Variants in RBM20 observed in about 807,000 individuals in gnomAD.
The protein encoded by RBM20 is RNA binding motif protein 20.
A neutral mutation model predicts 110.1 loss-of-function variants in RBM20; 51 were observed. The observed-to-expected ratio is 0.46, with a 90% CI of 0.37 to 0.59. The LOEUF (loss-of-function observed/expected upper bound fraction) is 0.59. Among genes scored for constraint, RBM20 ranks in the 20% least tolerant of loss-of-function variants. The probability of loss-of-function intolerance (pLI) is 0.00; values close to 1 mark genes in which losing one functional copy is unlikely to be tolerated. For missense variants in RBM20, 1,512 were observed against 1,574.9 expected (o/e 0.96, Z 0.68); for synonymous variants, 589 against 618.2 (o/e 0.95, Z 0.70).
chr10:110,780,248 C>T (rs1255249742), intron 1 of RBM20, among the ~76,000 whole-genome samples: 1 of 152,152 alleles, frequency 6.6e-6, no homozygotes, highest in East Asian at 1.9e-4. Flanking sequence ...TTCCTCAGTT[C>T]AAATCCCATC....
In RBM20 at chr10:110,812,532, A is replaced by T; in HGVS notation, c.2135A>T (p.Lys712Ile). The T allele has an allele frequency of 1.3e-6, 2 of 1,551,682 alleles. No homozygotes were observed. The highest frequency in any genetic ancestry group is 1.7e-6 in the Non-Finnish European group (2 of 1,146,972). The part of the protein sequence containing the change: ...DRMDPWAHDR[K>I]HHPRQLDKAE... The stretch of plus-strand genomic sequence containing the variant: ...ATGGACCCCTGGGCACATGATCGCA[A>T]ACACCACCCCCGGCAACTGGACAAG... Residue 712 changes from lysine (K) to isoleucine (I), a missense_variant, in exon 9 of 14, where the codon AAA becomes ATA. Coordinates refer to ENST00000369519, the MANE Select transcript of RBM20 (RefSeq NM_001134363.3).
At chr10:110,786,688 G>A (rs940388183) in intron 5 of RBM20, among the ~76,000 whole-genome samples, 8 of 152,374 alleles carry the variant, frequency 5.3e-5, no homozygotes, top group African/African-American at 1.9e-4. Context: ...GTCCTCTGAG[G>A]TCAGATTCCT....
chr10:110,770,526 C>T (rs769684547), intron 1 of RBM20, among the ~76,000 whole-genome samples: 10 of 152,132 alleles, frequency 6.6e-5, no homozygotes, highest in Non-Finnish European at 5.9e-5. Context: ...TACTTAAAAC[C>T]GACACAGTCT....
At chr10:110,774,241 G>A (rs1234679328) in intron 1 of RBM20, among the ~76,000 whole-genome samples, 1 of 152,078 alleles carries the variant, frequency 6.6e-6, no homozygotes, top group Admixed American at 6.6e-5. Flanking sequence ...CACACCAACT[G>A]AAAAACACAA....
In RBM20 at chr10:110,784,783, A is replaced by G; in HGVS notation, c.1430-9A>G. 6.6e-7 allele frequency: 1 copy of G among 1,522,772 alleles called. No individual in the cohort carries two copies. Among genetic ancestry groups the G allele is most frequent in the African/African-American group, 1.4e-5 (1 of 72,536 alleles). The allele number at this position is 1,522,772 out of a possible 1,614,324, so 94.3% of individuals were successfully genotyped here. The stretch of plus-strand genomic sequence containing the variant: ...GGTTTTCACTGACTTTGTGTAATTC[A>G]TCATTTAGATTATGCCTCAAATCTT... On this transcript the variant is annotated splice_polypyrimidine_tract_variant and intron_variant, in intron 4 of 13. Coordinates refer to ENST00000369519, the MANE Select transcript of RBM20 (RefSeq NM_001134363.3).
In RBM20 at chr10:110,807,490, G is replaced by A. The variant is rs76138361; in HGVS notation, c.1801-2893G>A. Reference sequence around the variant, plus strand: ...TGCCCCTCACTGGGGGCACCCCTGAGGGGAAGGGCCTGGGGGTGCCATCTG... The same window carrying A: ...TGCCCCTCACTGGGGGCACCCCTGAAGGGAAGGGCCTGGGGGTGCCATCTG... On this transcript the variant is annotated intron_variant, in intron 7 of 13. Transcript: ENST00000369519. Among the ~76,000 whole-genome samples the A allele has an allele frequency of 1.4e-3, 220 of 152,318 alleles. 4 individuals carry two copies. In the East Asian group the frequency reaches 0.036, roughly 25 times the overall value.
At chr10:110,727,732 C>T (rs1177443773) in intron 1 of RBM20, among the ~76,000 whole-genome samples, 1 of 152,166 alleles carries the variant, frequency 6.6e-6, no homozygotes, top group East Asian at 1.9e-4. Context: ...TTGCTGCACT[C>T]ATTAGCCCAT....
chr10:110,808,509 T>A (rs542760358), intron 7 of RBM20, among the ~76,000 whole-genome samples: 15 of 152,316 alleles, frequency 9.8e-5, no homozygotes, highest in African/African-American at 3.6e-4. Context: ...CTTGTGGACA[T>A]CCTGCCCAGT....
chr10:110,740,365 A>G (rs1018554139), intron 1 of RBM20, among the ~76,000 whole-genome samples: 2 of 152,200 alleles, frequency 1.3e-5, no homozygotes, highest in African/African-American at 4.8e-5. Flanking sequence ...TGAATCAGCC[A>G]AACCTTAATG....
At chr10:110,679,370 C>A (rs1263329260) in intron 1 of RBM20, among the ~76,000 whole-genome samples, 2 of 152,000 alleles carry the variant, frequency 1.3e-5, no homozygotes, top group African/African-American at 4.8e-5. Context: ...ACTATAGGCA[C>A]GAGCCACCAT....
chr10:110,692,814 T>G (rs1014487917), intron 1 of RBM20, among the ~76,000 whole-genome samples: 5 of 152,186 alleles, frequency 3.3e-5, no homozygotes, highest in African/African-American at 1.2e-4. Context: ...ATTCTTATCT[T>G]GCTTCTGGTA....
chr10:110,812,641 T>C lies in RBM20; in HGVS notation c.2244T>C (p.Ser748=). The change falls in exon 9 of 14, where the codon TCT becomes TCC. Residue 748 remains serine, a synonymous_variant. Transcript: ENST00000369519. The part of the protein sequence containing the change: ...PRSGSPNLPH[S]VSSYKSREDG... The stretch of plus-strand genomic sequence containing the variant: ...CTGGGTCTCCCAACCTGCCCCACTC[T>C]GTGTCCAGCTACAAAAGCCGTGAAG... 6.4e-7 allele frequency: 1 copy of C among 1,551,542 alleles called. No homozygotes were observed. Among genetic ancestry groups the C allele is most frequent in the Non-Finnish European group, 8.7e-7 (1 of 1,146,976 alleles).
At chr10:110,686,340 G>A (rs1251820385) in intron 1 of RBM20, among the ~76,000 whole-genome samples, 1 of 152,028 alleles carries the variant, frequency 6.6e-6, no homozygotes, top group East Asian at 1.9e-4. Flanking sequence ...TAAGGTCATG[G>A]CTTCCTTCAA....
In RBM20 at chr10:110,695,624, A is replaced by G. The variant is rs111898654; in HGVS notation, c.191+50979A>G. ...AGGCCCAAGAGAAATGATTCATTTC[A>G]TCAGAAATGTTTGGAGAAACAGATG... On this transcript the variant is annotated intron_variant, in intron 1 of 13. Transcript: ENST00000369519. Among the ~76,000 whole-genome samples, 27 of 152,372 alleles carry G rather than the reference A, an allele frequency of 1.8e-4. No individual in the cohort carries two copies. In the South Asian group the frequency reaches 5.0e-3, roughly 28 times the overall value.
At chr10:110,753,032 G>A (rs1473260612) in intron 1 of RBM20, among the ~76,000 whole-genome samples, 7 of 147,930 alleles carry the variant, frequency 4.7e-5, no homozygotes, top group African/African-American at 1.8e-4. Flanking sequence ...TCTGCCTCCC[G>A]GGTTCAAGCA....
intron 6 of RBM20, among the ~76,000 whole-genome samples, chr10:110,798,278 T>C (rs1844577185): frequency 6.6e-6 from 1 of 152,186 alleles, no homozygotes. Context: ...AATCAGAATA[T>C]TTTATCTTTT....
intron 1 of RBM20, among the ~76,000 whole-genome samples, chr10:110,754,480 C>T (rs1223294573): frequency 6.6e-6 from 1 of 152,170 alleles, no homozygotes. Flanking sequence ...ATATGTTGGG[C>T]CTTCTGACTT....
At chr10:110,813,431 T>A (rs1844801011) in intron 9 of RBM20, among the ~76,000 whole-genome samples, 1 of 152,146 alleles carries the variant, frequency 6.6e-6, no homozygotes, top group African/African-American at 2.4e-5. Flanking sequence ...CCAGAAGCAT[T>A]TACCAGTCCT....
chr10:110,699,117 G>A (rs930342753), intron 1 of RBM20, among the ~76,000 whole-genome samples: 6 of 152,170 alleles, frequency 3.9e-5, no homozygotes, highest in South Asian at 2.1e-4. Flanking sequence ...ACACGTCTGC[G>A]CCATGTTAGA....
Sources: allele counts gnomAD v4.1 joint callset (sites outside exome capture counted in the v4.1 genomes callset), GRCh38; gene constraint gnomAD v4.1.1; transcripts MANE v1.5; gene names NCBI Gene and HGNC (gene_info 2026-07-23, HGNC 2026-07-21).